Variants in ACTN4 observed in about 807,000 individuals in gnomAD.
ACTN4 encodes the protein alpha-actinin-4.
Under a neutral mutation model 114.2 loss-of-function variants are expected in ACTN4, and 18 were observed. That is an observed-to-expected ratio of 0.16 (90% CI 0.11 to 0.23). ACTN4 has a LOEUF of 0.23. Ranked by LOEUF, ACTN4 falls within the 10% of genes least tolerant of loss-of-function variation. The pLI is 1.00. For synonymous variants in ACTN4, 515 were observed against 506.3 expected (o/e 1.02, Z -0.23); for missense variants, 722 against 1,262.9 (o/e 0.57, Z 6.49).
chr19:38,685,527 A>G lies in ACTN4; in HGVS notation c.163-15073A>G, dbSNP rs533123771. 2.2e-4 allele frequency among the ~76,000 whole-genome samples: 33 copies of G among 152,110 alleles called. No homozygotes were observed. In the South Asian group the frequency reaches 2.9e-3, roughly 13 times the overall value. On this transcript the variant is annotated intron_variant, in intron 1 of 20. Coordinates refer to ENST00000252699, the MANE Select transcript of ACTN4 (RefSeq NM_004924.6). ...GGGCAGGCAGGCTGGTGAGCACCCA[A>G]CCTCTGGATCGAGGGGACTCAATTA... is the stretch of plus-strand genomic sequence containing the variant.
Position 38,717,816 on chromosome 19 carries a change from G to C in ACTN4, c.1144-111G>C. On this transcript the variant is annotated intron_variant, in intron 10 of 20. Coordinates refer to ENST00000252699, the MANE Select transcript of ACTN4 (RefSeq NM_004924.6). The surrounding 1 kb of genome is among the most constrained non-coding windows in gnomAD (Gnocchi z 4.0). ...AGGTATAATAGCAAAGCATGACACA[G>C]ACATGACCCCAGCCAAGTTCTGCCA... The C allele has an allele frequency of 1.4e-6, 2 of 1,430,442 alleles. No individual in the cohort carries two copies. The highest frequency in any genetic ancestry group is 9.6e-7 in the Non-Finnish European group (1 of 1,043,840). 88.6% of individuals were successfully genotyped at this position (1,430,442 alleles called of 1,614,324 possible). A position where few individuals can be genotyped will look rare whatever the true frequency, so the allele number is the denominator to read the frequency against.
Position 38,730,623 on chromosome 19 carries a change from A to G in ACTN4, c.*1191A>G. On this transcript the variant is annotated 3_prime_UTR_variant, in exon 21 of 21. Coordinates refer to ENST00000252699, the MANE Select transcript of ACTN4 (RefSeq NM_004924.6). ...AGAGCTAGCACTGTCTTAAGCTGTC[A>G]ACGTGGACTAGCTCGTGTCATCTGC... 1 of 608,276 alleles carries G rather than the reference A, an allele frequency of 1.6e-6. No homozygotes were observed. The allele number at this position is 608,276 out of a possible 1,614,324, so 37.7% of individuals were successfully genotyped here. A position where few individuals can be genotyped will look rare whatever the true frequency, so the allele number is the denominator to read the frequency against.
chr19:38,701,849 T>C (rs1303222955), intron 3 of ACTN4, among the ~76,000 whole-genome samples: 1 of 152,256 alleles, frequency 6.6e-6, no homozygotes, highest in Non-Finnish European at 1.5e-5. Flanking sequence ...CACCCTGACA[T>C]CCATGTTGTC....
chr19:38,668,991 C>T (rs1568685221), intron 1 of ACTN4, among the ~76,000 whole-genome samples: 1 of 151,928 alleles, frequency 6.6e-6, no homozygotes, highest in African/African-American at 2.4e-5. Flanking sequence ...TGGGATCCAG[C>T]TTTTTTTCTT....
chr19:38,693,455 T>G (rs534261996), intron 1 of ACTN4: 1 of 152,558 alleles, frequency 6.6e-6, no homozygotes, highest in Admixed American at 6.5e-5. Flanking sequence ...TTTGTTCAGC[T>G]GGGTCAGCCG....
intron 1 of ACTN4, among the ~76,000 whole-genome samples, chr19:38,688,639 A>G (rs35941349): frequency 0.056 from 8,532 of 151,942 alleles, 253 homozygotes; most frequent in South Asian, 0.095. Flanking sequence ...AGGTGGGCAG[A>G]TTGCTTGAGC....
chr19:38,666,592 C>T lies in ACTN4; in HGVS notation c.162+18685C>T, dbSNP rs114431603. Among the ~76,000 whole-genome samples the T allele has an allele frequency of 1.4e-3, 213 of 152,388 alleles. 1 individual carries two copies. The highest frequency in any genetic ancestry group is 4.9e-3 in the African/African-American group (205 of 41,592). ...CACAGGTCCGCAGTGGGAGCCCGCT[C>T]GGAGACACCTCCCCGCCATCACGGC... On this transcript the variant is annotated intron_variant, in intron 1 of 20. Transcript: ENST00000252699.
chr19:38,673,611 TTATATTTATATATATTCATA>T, intron 1 of ACTN4, among the ~76,000 whole-genome samples: 1 of 53,166 alleles, frequency 1.9e-5, no homozygotes, highest in South Asian at 5.3e-4. Context: ...ATATATTCAT[TTATATTTATATATATTCATA>T]TATATTTATA....
chr19:38,728,663 C>T (rs905311710), intron 19 of ACTN4, among the ~76,000 whole-genome samples: 2 of 152,192 alleles, frequency 1.3e-5, no homozygotes, highest in African/African-American at 4.8e-5. Context: ...CTCTTTCTCT[C>T]TTTCTTCCCC....
In ACTN4 at chr19:38,723,720, G is replaced by C; in HGVS notation, c.1549G>C (p.Glu517Gln). Residue 517 changes from glutamate to glutamine, a missense_variant and splice_region_variant, in exon 13 of 21, where the codon GAG becomes CAG. Glu to Gln is a conservative substitution (Grantham distance 29). Transcript: ENST00000252699. ...SLTHSRREAL[E>Q]KTEKQLEAID... ...GACACATAGTCGCAGGGAAGCCCTG[G>C]AGGTGAGGAGGGGGTGACATCACCC... 6.2e-7 allele frequency: 1 copy of C among 1,606,280 alleles called. No homozygotes were observed. Among genetic ancestry groups the C allele is most frequent in the Non-Finnish European group, 8.5e-7 (1 of 1,175,430 alleles).
At chr19:38,696,940 C>T (rs1042488216) in intron 1 of ACTN4, among the ~76,000 whole-genome samples, 18 of 152,240 alleles carry the variant, frequency 1.2e-4, no homozygotes, top group Non-Finnish European at 2.5e-4. Flanking sequence ...CTTCCTTTGA[C>T]ATGCATTTAA....
chr19:38,657,044 T>A (rs1435130360), intron 1 of ACTN4, among the ~76,000 whole-genome samples: 1 of 151,514 alleles, frequency 6.6e-6, no homozygotes, highest in Non-Finnish European at 1.5e-5. Flanking sequence ...GGCCTAATCA[T>A]AACTCACTGC....
rs747837065 is a variant in ACTN4 at position 38,730,712 on chromosome 19, G to T, written c.*1280G>T. ...AGTACGCAGGCCAGAGTGGTCACCC[G>T]GCCGTGAGCAGTGAGGGCCAGAGAC... On this transcript the variant is annotated 3_prime_UTR_variant, in exon 21 of 21. Transcript: ENST00000252699. The T allele has an allele frequency of 1.9e-6, 2 of 1,055,658 alleles. No homozygotes were observed. The highest frequency in any genetic ancestry group is 1.6e-5 in the African/African-American group (1 of 63,778). 65.4% of individuals were successfully genotyped at this position (1,055,658 alleles called of 1,614,324 possible). A position where few individuals can be genotyped will look rare whatever the true frequency, so the allele number is the denominator to read the frequency against.
At chr19:38,665,110 G>T (rs140443710) in intron 1 of ACTN4, among the ~76,000 whole-genome samples, 4 of 152,134 alleles carry the variant, frequency 2.6e-5, no homozygotes, top group African/African-American at 9.7e-5. Context: ...ACCCCGGGAG[G>T]GGGTGTTGAG....
chr19:38,731,457 C>G lies in ACTN4; in HGVS notation c.*2025C>G, dbSNP rs1969604370. ...CCATAGGGTGTGTGAAGACAGAACG[C>G]TCAGGACAGCGTCTGACACGTGACT... On this transcript the variant is annotated 3_prime_UTR_variant, in exon 21 of 21. Coordinates refer to ENST00000252699, the MANE Select transcript of ACTN4 (RefSeq NM_004924.6). The G allele has an allele frequency of 1.7e-6, 1 of 573,792 alleles. No individual in the cohort carries two copies. The highest frequency in any genetic ancestry group is 1.9e-5 in the African/African-American group (1 of 53,578). The allele number at this position is 573,792 out of a possible 1,614,324, so 35.5% of individuals were successfully genotyped here.
Position 38,727,077 on chromosome 19 carries a change from C to A in ACTN4, c.2311C>A (p.Arg771=), listed in dbSNP as rs1234222656. 6.2e-7 allele frequency: 1 copy of A among 1,613,968 alleles called. No individual in the cohort carries two copies. Among genetic ancestry groups the A allele is most frequent in the Non-Finnish European group, 8.5e-7 (1 of 1,180,018 alleles). The change falls in exon 18 of 21, where the codon CGG becomes AGG. Residue 771 remains arginine, a synonymous_variant. Coordinates refer to ENST00000252699, the MANE Select transcript of ACTN4 (RefSeq NM_004924.6). This position sits in a 1 kb window ranked among gnomAD's most constrained non-coding sequence, Gnocchi z 5.4. ...GISQEQMQEF[R]ASFNHFDKDH... ...CAGCCAGGAGCAGATGCAGGAGTTC[C>A]GGGCGTCCTTCAACCACTTCGACAA...
At chr19:38,694,786 T>G (rs1226882103) in intron 1 of ACTN4, among the ~76,000 whole-genome samples, 1 of 152,196 alleles carries the variant, frequency 6.6e-6, no homozygotes, top group Non-Finnish European at 1.5e-5. Context: ...GAGTTGCTAA[T>G]GTGTAAATAG....
At chr19:38,716,936 A>G in intron 9 of ACTN4, 150 bp from the exon 10 acceptor site, 7 of 851,148 alleles carry the variant, frequency 8.2e-6, no homozygotes, top group Non-Finnish European at 1.3e-5. Context: ...TCTAGCAGGA[A>G]TCGTGGAGAA....
At chr19:38,693,931 AC>A (rs936500950) in intron 1 of ACTN4, among the ~76,000 whole-genome samples, 2 of 151,386 alleles carry the variant, frequency 1.3e-5, no homozygotes, top group Admixed American at 6.6e-5. Context: ...CTGTTCTTCC[AC>A]CCCCCTTCCC....
Sources: allele counts gnomAD v4.1 joint callset (sites outside exome capture counted in the v4.1 genomes callset), GRCh38; gene constraint gnomAD v4.1.1; non-coding constraint Gnocchi (gnomAD v3.1); transcripts MANE v1.5; gene names NCBI Gene and HGNC (gene_info 2026-07-23, HGNC 2026-07-21).